Variants in SOX5 observed in about 807,000 individuals in gnomAD.
SOX5 encodes SRY-box transcription factor 5.
Under a neutral mutation model 92.0 loss-of-function variants are expected in SOX5, and 9 were observed. The ratio of observed to expected loss-of-function variants is 0.10; its 90% confidence interval spans 0.06 to 0.17. The LOEUF is 0.17. Among genes scored for constraint, SOX5 ranks in the 10% least tolerant of loss-of-function variants. SOX5 has a pLI of 1.00. For missense variants in SOX5, 642 were observed against 944.5 expected (o/e 0.68, Z 4.20); for synonymous variants, 344 against 336.3 (o/e 1.02, Z -0.25).
chr12:23,625,917 G>A (rs73091349), intron 8 of SOX5, among the ~76,000 whole-genome samples: 12,409 of 152,112 alleles, frequency 0.082, 664 homozygotes, highest in Non-Finnish European at 0.11. Flanking sequence ...TCAAGCAAAT[G>A]TTTCTAAAGA....
intron 2 of SOX5, among the ~76,000 whole-genome samples, chr12:24,305,608 T>A (rs942913106): frequency 1.3e-5 from 2 of 152,174 alleles, no homozygotes; most frequent in Admixed American, 1.3e-4. Flanking sequence ...TGTGTGTGGT[T>A]TTTTTTGGAG....
chr12:24,435,129 A>C (rs1386036864), intron 1 of SOX5, among the ~76,000 whole-genome samples: 3 of 152,204 alleles, frequency 2.0e-5, no homozygotes, highest in Non-Finnish European at 4.4e-5. Context: ...CAGTTACAAA[A>C]AATTTCCTGG....
intron 3 of SOX5, among the ~76,000 whole-genome samples, chr12:23,762,894 A>C (rs1183838324): frequency 6.6e-6 from 1 of 152,184 alleles, no homozygotes; most frequent in Non-Finnish European, 1.5e-5. Flanking sequence ...CCACTAAAAG[A>C]TAGGCATTAT....
chr12:23,787,529 G>C (rs1017887529), intron 3 of SOX5, among the ~76,000 whole-genome samples: 1 of 151,876 alleles, frequency 6.6e-6, no homozygotes, highest in Non-Finnish European at 1.5e-5. Flanking sequence ...TTGCATACAC[G>C]ATGAACACAG....
At chr12:23,990,663 C>G (rs370594859) in intron 4 of SOX5, among the ~76,000 whole-genome samples, 2 of 152,136 alleles carry the variant, frequency 1.3e-5, no homozygotes, top group South Asian at 4.1e-4. Context: ...GTATCTTCTA[C>G]ATGTTTCTAT....
intron 9 of SOX5, among the ~76,000 whole-genome samples, chr12:23,600,598 G>C (rs573344300): frequency 8.6e-4 from 107 of 124,770 alleles, no homozygotes; most frequent in Non-Finnish European, 1.5e-3. Flanking sequence ...ATTGAGAAAA[G>C]AAAAAGTAAC....
At chr12:23,958,495 A>T (rs1487654494) in intron 4 of SOX5, among the ~76,000 whole-genome samples, 2 of 152,040 alleles carry the variant, frequency 1.3e-5, no homozygotes, top group East Asian at 3.8e-4. Flanking sequence ...CACACAGATT[A>T]ATTTAATTTT....
chr12:24,326,755 T>C (rs1240694836), intron 2 of SOX5, among the ~76,000 whole-genome samples: 2 of 138,992 alleles, frequency 1.4e-5, no homozygotes, highest in Admixed American at 1.5e-4. Context: ...TTTGTGTTTG[T>C]ACAGGTCTAC....
chr12:24,122,887 T>C (rs1235841164), intron 4 of SOX5, among the ~76,000 whole-genome samples: 2 of 152,302 alleles, frequency 1.3e-5, no homozygotes, highest in Non-Finnish European at 2.9e-5. Flanking sequence ...CTTGAAGTAA[T>C]GTGATGTTTA....
intron 1 of SOX5, among the ~76,000 whole-genome samples, chr12:24,401,445 C>T (rs1485254113): frequency 6.6e-6 from 1 of 151,552 alleles, no homozygotes; most frequent in African/African-American, 2.4e-5. Context: ...TTTGGTGGCT[C>T]GCACCTGTAA....
chr12:24,365,629 T>G (rs544250687), intron 2 of SOX5, among the ~76,000 whole-genome samples: 22 of 131,466 alleles, frequency 1.7e-4, no homozygotes, highest in Admixed American at 6.7e-4. Flanking sequence ...TGCACAAAAT[T>G]TGATATAATT....
At chr12:24,376,972 A>C (rs1052651199) in intron 1 of SOX5, among the ~76,000 whole-genome samples, 5 of 151,592 alleles carry the variant, frequency 3.3e-5, no homozygotes, top group African/African-American at 1.2e-4. Context: ...CAGTCTCCCA[A>C]AGTGTTGGGA....
intron 8 of SOX5, among the ~76,000 whole-genome samples, chr12:23,625,709 A>C (rs1019618402): frequency 6.6e-6 from 1 of 152,184 alleles, no homozygotes; most frequent in East Asian, 1.9e-4. Context: ...TCCTGGGTTC[A>C]AATGATTCTC....
intron 1 of SOX5, among the ~76,000 whole-genome samples, chr12:23,898,263 C>A (rs904650038): frequency 6.6e-6 from 1 of 152,108 alleles, no homozygotes; most frequent in Admixed American, 6.5e-5. Context: ...AGGAGATTAT[C>A]CCTTTGTTAT....
chr12:24,018,193 C>T (rs1953878844), intron 4 of SOX5, among the ~76,000 whole-genome samples: 1 of 152,156 alleles, frequency 6.6e-6, no homozygotes, highest in Non-Finnish European at 1.5e-5. Context: ...CATTTCACAG[C>T]CTCTTCTAAA....
intron 6 of SOX5, among the ~76,000 whole-genome samples, chr12:23,672,547 T>G (rs1352389495): frequency 6.6e-6 from 1 of 152,122 alleles, no homozygotes; most frequent in Non-Finnish European, 1.5e-5. Context: ...TTTGCAAGGA[T>G]AGAGAAATAA....
At chr12:24,013,135 C>T (rs995279922) in intron 4 of SOX5, among the ~76,000 whole-genome samples, 4 of 152,112 alleles carry the variant, frequency 2.6e-5, no homozygotes, top group African/African-American at 9.7e-5. Flanking sequence ...AGATGAGTTT[C>T]TGTATGTGTC....
chr12:23,872,006 T>C (rs1206747830), intron 2 of SOX5, among the ~76,000 whole-genome samples: 1 of 150,596 alleles, frequency 6.6e-6, no homozygotes, highest in Non-Finnish European at 1.5e-5. Flanking sequence ...TTTTTTTTTT[T>C]CTTTTTTTTG....
chr12:23,916,914 A>G (rs889873521), intron 1 of SOX5, among the ~76,000 whole-genome samples: 1 of 152,182 alleles, frequency 6.6e-6, no homozygotes, highest in African/African-American at 2.4e-5. Context: ...TAACCGTTAA[A>G]ATTTTATACA....
Sources: allele counts gnomAD v4.1 joint callset (sites outside exome capture counted in the v4.1 genomes callset), GRCh38; gene constraint gnomAD v4.1.1; transcripts MANE v1.5; gene names NCBI Gene and HGNC (gene_info 2026-07-23, HGNC 2026-07-21).